The following LARP4 variants were observed in gnomAD, a reference collection of about 807,000 sequenced individuals.
LARP4 encodes la-related protein 4.
Under a neutral mutation model 92.9 loss-of-function variants are expected in LARP4, and 29 were observed. The observed-to-expected ratio is 0.31, with a 90% CI of 0.23 to 0.43. The LOEUF is 0.43. Ranked by LOEUF, LARP4 falls within the 20% of genes least tolerant of loss-of-function variation. The probability of loss-of-function intolerance (pLI) is 1.00; values close to 1 mark genes in which losing one functional copy is unlikely to be tolerated. For missense variants in LARP4, 732 were observed against 860.0 expected, an observed-to-expected ratio of 0.85 and a Z score of 1.86; for synonymous variants, 279 against 284.1, an observed-to-expected ratio of 0.98 and a Z score of 0.18.
chr12:50,472,659 C>A (rs998850414), intron 13 of LARP4, among the ~76,000 whole-genome samples: 4 of 151,814 alleles, frequency 2.6e-5, no homozygotes, highest in Non-Finnish European at 5.9e-5. Context: ...CAGATGGACA[C>A]CCCCCACCCT....
chr12:50,472,598 A>T (rs145240312), intron 13 of LARP4, among the ~76,000 whole-genome samples: 6,158 of 151,550 alleles, frequency 0.041, 173 homozygotes, highest in South Asian at 0.079. Context: ...GGTTCACTGC[A>T]GCAGCTTCAA....
chr12:50,434,040 A>G (rs145224516), intron 4 of LARP4, among the ~76,000 whole-genome samples: 2 of 152,198 alleles, frequency 1.3e-5, no homozygotes, highest in East Asian at 1.9e-4. Context: ...GCGATCCTTC[A>G]TGGAACCTAT....
rs766204713 is a variant in LARP4, at chr12:50,427,806, A to G, written c.63A>G (p.Val21=). 6.3e-7 allele frequency: 1 copy of G among 1,598,900 alleles called. No homozygotes were observed. Among genetic ancestry groups the G allele is most frequent in the South Asian group, 1.1e-5 (1 of 89,174 alleles). Residue 21 remains valine (V), a synonymous_variant, in exon 2 of 16, where the codon GTA becomes GTG. Transcript: ENST00000398473. The part of the protein sequence containing the change: ...KGTGLNPNAK[V]WQEIAPGNTD... ...CTGGTTTAAATCCTAATGCCAAAGTATGGCAAGAAATTGCTCCTGGAAATA... is the reference window on the plus strand; with the variant it reads ...CTGGTTTAAATCCTAATGCCAAAGTGTGGCAAGAAATTGCTCCTGGAAATA...
At chr12:50,435,315 CTT>C (rs1224561025) in intron 4 of LARP4, among the ~76,000 whole-genome samples, 171 bp from the exon 5 acceptor site, 16 of 152,268 alleles carry the variant, frequency 1.1e-4, no homozygotes, top group East Asian at 3.9e-4. Context: ...ACATTAGTAT[CTT>C]TTGAATTGAA....
rs1952056277 is a variant in LARP4, at chr12:50,446,329, GTCTCTCTCTCTCCCTCTCTCTCTCTC to G, written c.804+4699_804+4724del. ...CCAATTGCTGTTTTCTTGACTAGTGGTCTCTCTCTCTCCCTCTCTCTCTCTCTCTCTCTCTCTCTCTCTCTCTCTCT... is the reference window on the plus strand; with the variant it reads ...CCAATTGCTGTTTTCTTGACTAGTGGTCTCTCTCTCTCTCTCTCTCTCTCT... On this transcript the variant is annotated intron_variant, in intron 8 of 15. Coordinates refer to ENST00000398473, the MANE Select transcript of LARP4 (RefSeq NM_052879.5). Among the ~76,000 whole-genome samples the G allele has an allele frequency of 1.3e-4, 7 of 55,448 alleles. 1 individual carries two copies. The highest frequency in any genetic ancestry group is 3.0e-4 in the Admixed American group (1 of 3,382). The allele number at this position is 55,448 out of a possible 152,430, so 36.4% of individuals were successfully genotyped here.
chr12:50,423,599 C>T (rs1260792693), intron 1 of LARP4, among the ~76,000 whole-genome samples: 1 of 151,998 alleles, frequency 6.6e-6, no homozygotes, highest in South Asian at 2.1e-4. Flanking sequence ...CAGGTGCAGG[C>T]CACCACGCCC....
intron 1 of LARP4, among the ~76,000 whole-genome samples, chr12:50,418,687 C>T (rs1947251304): frequency 2.0e-5 from 3 of 152,156 alleles, no homozygotes; most frequent in Admixed American, 2.0e-4. Flanking sequence ...TCCCATAGTG[C>T]TGGGATTAAA....
intron 9 of LARP4, 38 bp downstream of exon 9, chr12:50,453,710 T>C: frequency 7.5e-7 from 1 of 1,327,902 alleles, no homozygotes; most frequent in Non-Finnish European, 1.0e-6. Flanking sequence ...AATAATATTT[T>C]TAATTTGAGC....
rs1254224150 is a variant in LARP4, at chr12:50,477,995, C to T, written c.*2131C>T. The T allele has an allele frequency of 6.6e-6, 1 of 152,494 alleles. No homozygotes were observed. Among genetic ancestry groups the T allele is most frequent in the Non-Finnish European group, 1.5e-5 (1 of 67,936 alleles). 9.4% of individuals were successfully genotyped at this position (152,494 alleles called of 1,614,324 possible). A position where few individuals can be genotyped will look rare whatever the true frequency, so the allele number is the denominator to read the frequency against. ...AAAATCACTTGGTAAGGATTATAAA[C>T]TTAATTACTGCACTTAAAATGAAAC... On this transcript the variant is annotated 3_prime_UTR_variant, in exon 16 of 16. Transcript: ENST00000398473.
At chr12:50,414,971 G>A (rs1217120451) in intron 1 of LARP4, among the ~76,000 whole-genome samples, 2 of 152,136 alleles carry the variant, frequency 1.3e-5, no homozygotes, top group Non-Finnish European at 2.9e-5. Flanking sequence ...TCAGGAGGCC[G>A]AGGCAGGGAG....
At position 50,437,843 on chromosome 12, in the gene LARP4, A is replaced by G; in HGVS notation, c.639+5A>G. ...CCTGAAACAACACCAATAGAGGTAAATTATTAATAATTGTTAACACTAAAT... is the reference window on the plus strand; with the variant it reads ...CCTGAAACAACACCAATAGAGGTAAGTTATTAATAATTGTTAACACTAAAT... On this transcript the variant is annotated splice_donor_5th_base_variant and intron_variant, in intron 6 of 15. Coordinates refer to ENST00000398473, the MANE Select transcript of LARP4 (RefSeq NM_052879.5). The G allele has an allele frequency of 6.8e-7, 1 of 1,464,190 alleles. No individual in the cohort carries two copies. The highest frequency in any genetic ancestry group is 9.5e-7 in the Non-Finnish European group (1 of 1,048,854). The allele number at this position is 1,464,190 out of a possible 1,614,324, so 90.7% of individuals were successfully genotyped here.
intron 8 of LARP4, among the ~76,000 whole-genome samples, chr12:50,442,735 C>T (rs1383106471): frequency 6.6e-6 from 1 of 152,152 alleles, no homozygotes; most frequent in South Asian, 2.1e-4. Flanking sequence ...CTTTTGTTTT[C>T]TTCAGTTTCC....
chr12:50,401,778 T>C (rs960756753), intron 1 of LARP4, among the ~76,000 whole-genome samples: 2 of 152,236 alleles, frequency 1.3e-5, no homozygotes, highest in African/African-American at 4.8e-5. Flanking sequence ...TTTTGTAATG[T>C]TATTTGAACA....
chr12:50,461,709 C>T (rs1397289422), intron 11 of LARP4, among the ~76,000 whole-genome samples: 1 of 152,110 alleles, frequency 6.6e-6, no homozygotes, highest in Non-Finnish European at 1.5e-5. Context: ...GTAATCCCAA[C>T]ACTTTGGGAG....
intron 7 of LARP4, among the ~76,000 whole-genome samples, chr12:50,440,759 TAAG>T (rs769621286): frequency 1.0e-3 from 153 of 152,322 alleles, no homozygotes; most frequent in Admixed American, 1.8e-3. Flanking sequence ...TTTCTGTCGA[TAAG>T]AATATTAACA....
chr12:50,423,824 T>C (rs1039913211), intron 1 of LARP4, among the ~76,000 whole-genome samples: 1 of 151,266 alleles, frequency 6.6e-6, no homozygotes, highest in East Asian at 1.9e-4. Context: ...CAATTTCGGC[T>C]CACTGCAATC....
rs533669849 is a variant in LARP4, at chr12:50,476,994, AGT to A, written c.*1133_*1134del. On this transcript the variant is annotated 3_prime_UTR_variant, in exon 16 of 16. Coordinates refer to ENST00000398473, the MANE Select transcript of LARP4 (RefSeq NM_052879.5). ...GATTAAGCATAGTAACTGACTCTTAAGTGTTAAATAATGTAGAAGTAAAAAAA... is the reference window on the plus strand; with the variant it reads ...GATTAAGCATAGTAACTGACTCTTAAGTTAAATAATGTAGAAGTAAAAAAA... 101 of 152,470 alleles carry A rather than the reference AGT, an allele frequency of 6.6e-4. No homozygotes were observed. Among genetic ancestry groups the A allele is most frequent in the African/African-American group, 2.3e-3 (97 of 41,556 alleles). The allele number at this position is 152,470 out of a possible 1,614,324, so 9.4% of individuals were successfully genotyped here. A position where few individuals can be genotyped will look rare whatever the true frequency, so the allele number is the denominator to read the frequency against.
chr12:50,412,972 C>G (rs1032111044), intron 1 of LARP4, among the ~76,000 whole-genome samples: 2 of 152,092 alleles, frequency 1.3e-5, no homozygotes, highest in African/African-American at 4.8e-5. Context: ...CACCTGTAAT[C>G]CTAGCACTTT....
chr12:50,453,019 C>T (rs960878512), intron 8 of LARP4, among the ~76,000 whole-genome samples: 7 of 152,002 alleles, frequency 4.6e-5, no homozygotes, highest in African/African-American at 7.2e-5. Context: ...AAGCAGTCCT[C>T]CCCACTCTGC....
Sources: allele counts gnomAD v4.1 joint callset (sites outside exome capture counted in the v4.1 genomes callset), GRCh38; gene constraint gnomAD v4.1.1; transcripts MANE v1.5; gene names NCBI Gene and HGNC (gene_info 2026-07-23, HGNC 2026-07-21).